FAM135B: variants seen among roughly 807,000 people sequenced by gnomAD.
FAM135B encodes the protein family with sequence similarity 135 member B, also known as protein FAM135B.
FAM135B carries 43 observed loss-of-function variants against 127.7 expected under a neutral mutation model. The ratio of observed to expected loss-of-function variants is 0.34; its 90% CI spans 0.26 to 0.43. The LOEUF is 0.43. Among genes scored for constraint, FAM135B ranks in the 20% least tolerant of loss-of-function variants. The pLI is 1.00. For missense variants in FAM135B, 1,558 were observed against 1,725.6 expected, an observed-to-expected ratio of 0.90 and a Z score of 1.72; for synonymous variants, 670 against 665.1, an observed-to-expected ratio of 1.01 and a Z score of -0.11.
intron 7 of FAM135B, among the ~76,000 whole-genome samples, chr8:138,218,894 G>A (rs1818801086): frequency 6.6e-6 from 1 of 152,066 alleles, no homozygotes; most frequent in Non-Finnish European, 1.5e-5. Flanking sequence ...CCAGGCACCA[G>A]TAAAATACTC....
intron 1 of FAM135B, among the ~76,000 whole-genome samples, chr8:138,406,870 C>T (rs1229732810): frequency 6.6e-6 from 1 of 151,452 alleles, no homozygotes; most frequent in Non-Finnish European, 1.5e-5. Flanking sequence ...TGCCCTCTCT[C>T]ACCACTCCTA....
chr8:138,168,140 G>A (rs2130905583), intron 11 of FAM135B, 91 bp from the exon 12 acceptor site: 1 of 1,382,556 alleles, frequency 7.2e-7, no homozygotes, highest in Non-Finnish European at 9.7e-7. Flanking sequence ...AAAATACTCG[G>A]TTCTCAGCTG....
intron 1 of FAM135B, among the ~76,000 whole-genome samples, chr8:138,371,446 A>C (rs1831115593): frequency 1.3e-5 from 2 of 152,254 alleles, no homozygotes; most frequent in South Asian, 2.1e-4. Flanking sequence ...CATACCCAGC[A>C]CACACTGGGT....
chr8:138,188,995 G>T (rs1438165146), intron 9 of FAM135B, among the ~76,000 whole-genome samples: 2 of 152,174 alleles, frequency 1.3e-5, no homozygotes, highest in African/African-American at 2.4e-5. Context: ...GCTGCCCAAA[G>T]TAAGAACATG....
rs570519122 is a variant in FAM135B, at chr8:138,288,742, T to G, written c.157+22099A>C. ...GAAAGAGTACAAGCAGATCAAAGTA[T>G]TTTTCTTTTAAGAAGATAATTTTCT... is the stretch of plus-strand genomic sequence containing the variant. On this transcript the variant is annotated intron_variant, in intron 3 of 19. Transcript: ENST00000395297. Among the ~76,000 whole-genome samples the G allele has an allele frequency of 3.3e-5, 5 of 152,292 alleles. No individual in the cohort carries two copies. The South Asian group carries it at 1.0e-3, about 32-fold the overall frequency.
chr8:138,149,201 A>C (rs1324843485), intron 13 of FAM135B, among the ~76,000 whole-genome samples: 1 of 152,002 alleles, frequency 6.6e-6, no homozygotes, highest in East Asian at 1.9e-4. Flanking sequence ...AAAAACCCCG[A>C]AGCTTCTATG....
intron 3 of FAM135B, among the ~76,000 whole-genome samples, chr8:138,280,952 T>C (rs550984931): frequency 6.6e-6 from 1 of 152,194 alleles, no homozygotes; most frequent in Non-Finnish European, 1.5e-5. Context: ...TTGCATGTTA[T>C]GATAATGAGG....
intron 2 of FAM135B, among the ~76,000 whole-genome samples, chr8:138,335,102 T>A (rs1156531205): frequency 6.6e-6 from 1 of 152,194 alleles, no homozygotes; most frequent in African/African-American, 2.4e-5. Context: ...TGATTTTTTG[T>A]TCAACAGCAC....
Position 138,427,391 on chromosome 8 carries a change from T to C in FAM135B, c.-19-59389A>G, listed in dbSNP as rs548547330. Among the ~76,000 whole-genome samples the C allele has an allele frequency of 3.9e-5, 6 of 152,032 alleles. No individual in the cohort carries two copies. In the East Asian group the frequency reaches 1.2e-3, roughly 29 times the overall value. ...TTACATGGCACTGAATTTTGAGACATGGCTTTTAAATTGATTTCTCCAAAA... is the reference window on the plus strand; with the variant it reads ...TTACATGGCACTGAATTTTGAGACACGGCTTTTAAATTGATTTCTCCAAAA... On this transcript the variant is annotated intron_variant, in intron 1 of 19. Coordinates refer to ENST00000395297, the MANE Select transcript of FAM135B (RefSeq NM_015912.4).
intron 1 of FAM135B, among the ~76,000 whole-genome samples, chr8:138,446,349 C>T (rs1440122566): frequency 6.6e-6 from 1 of 152,124 alleles, no homozygotes; most frequent in Non-Finnish European, 1.5e-5. Flanking sequence ...ATTGCCAAGT[C>T]AATCCTAAGC....
chr8:138,199,166 T>C (rs1421323963), intron 7 of FAM135B, among the ~76,000 whole-genome samples: 2 of 152,208 alleles, frequency 1.3e-5, no homozygotes, highest in Non-Finnish European at 2.9e-5. Flanking sequence ...GACACACGTC[T>C]GTACATCATC....
At chr8:138,450,855 T>C (rs1317444989) in intron 1 of FAM135B, 1 of 152,226 alleles carries the variant, frequency 6.6e-6, no homozygotes, top group Non-Finnish European at 1.5e-5. Flanking sequence ...TTGAGTGCTG[T>C]CTGTGTCCTA....
At chr8:138,314,154 G>A (rs1018394302) in intron 2 of FAM135B, among the ~76,000 whole-genome samples, 2 of 152,122 alleles carry the variant, frequency 1.3e-5, no homozygotes, top group South Asian at 4.1e-4. Flanking sequence ...CAGTGCTGCT[G>A]ACTGAGATCA....
chr8:138,277,587 C>T (rs541826690), intron 3 of FAM135B, among the ~76,000 whole-genome samples: 3 of 152,264 alleles, frequency 2.0e-5, no homozygotes, highest in Non-Finnish European at 4.4e-5. Context: ...CCCCTTAGCT[C>T]GAGTCAACAA....
rs1175161183 is a variant in FAM135B, at chr8:138,437,229, TCAAA to T, written c.-20+59438_-20+59441del. 2.6e-5 allele frequency: 4 copies of T among 152,330 alleles called. No homozygotes were observed. The East Asian group carries it at 7.7e-4, about 29-fold the overall frequency. 9.4% of individuals were successfully genotyped at this position (152,330 alleles called of 1,614,324 possible). The stretch of plus-strand genomic sequence containing the variant: ...GAGAAGAAGAATATAGACACAGCAA[TCAAA>T]CAAACATGGGTTAAAACCCTAGCTC... On this transcript the variant is annotated intron_variant, in intron 1 of 19. Transcript: ENST00000395297.
chr8:138,257,960 C>G (rs892167348), intron 4 of FAM135B, among the ~76,000 whole-genome samples: 9 of 151,898 alleles, frequency 5.9e-5, no homozygotes, highest in African/African-American at 2.2e-4. Context: ...TTTAGAAACT[C>G]ATTTGGAAAC....
At chr8:138,293,032 G>A (rs1283347774) in intron 3 of FAM135B, among the ~76,000 whole-genome samples, 1 of 152,054 alleles carries the variant, frequency 6.6e-6, no homozygotes, top group Non-Finnish European at 1.5e-5. Context: ...AAATCAGGAT[G>A]GTACTGCTAT....
In FAM135B at chr8:138,262,903, G is replaced by GAAAA. The variant is rs71316332; in HGVS notation, c.297+2796_297+2799dup. On this transcript the variant is annotated intron_variant, in intron 4 of 19. Coordinates refer to ENST00000395297, the MANE Select transcript of FAM135B (RefSeq NM_015912.4). ...AGCGACAGTGGGAGACTCTGTCTCA[G>GAAAA]AAAAAAAAAAAAAAAAAAGCAACTA... Among the ~76,000 whole-genome samples, 240 of 95,300 alleles carry GAAAA rather than the reference G, an allele frequency of 2.5e-3. 12 individuals are homozygous for GAAAA. Among genetic ancestry groups the GAAAA allele is most frequent in the African/African-American group, 8.7e-3 (204 of 23,330 alleles). The allele number at this position is 95,300 out of a possible 152,430, so 62.5% of individuals were successfully genotyped here.
chr8:138,274,243 A>T (rs1295722298), intron 3 of FAM135B, among the ~76,000 whole-genome samples: 1 of 152,176 alleles, frequency 6.6e-6, no homozygotes, highest in African/African-American at 2.4e-5. Flanking sequence ...TTGAGAAATA[A>T]AGGGACAGAG....
Sources: allele counts gnomAD v4.1 joint callset (sites outside exome capture counted in the v4.1 genomes callset), GRCh38; gene constraint gnomAD v4.1.1; transcripts MANE v1.5; gene names NCBI Gene and HGNC (gene_info 2026-07-23, HGNC 2026-07-21).